Variants in SVOPL observed in about 807,000 individuals in gnomAD.
SVOPL encodes the protein putative transporter SVOPL.
In SVOPL, 60 loss-of-function variants were observed where a neutral mutation model predicts 61.0. The observed-to-expected ratio is 0.98, with a 90% CI of 0.80 to 1.22. The LOEUF is 1.22. SVOPL is among the 50% of genes most tolerant of loss of function. The pLI, the probability that SVOPL is intolerant of heterozygous loss-of-function variation, is 0.00. For missense variants in SVOPL, 662 were observed against 643.9 expected (o/e 1.03, Z -0.30); for synonymous variants, 279 against 250.0 (o/e 1.12, Z -1.09).
chr7:138,637,229 G>A (rs1448938425), intron 9 of SVOPL, among the ~76,000 whole-genome samples: 2 of 151,806 alleles, frequency 1.3e-5, no homozygotes, highest in Non-Finnish European at 2.9e-5. Context: ...GGAATTCGAG[G>A]CCAGCCTGCC....
At chr7:138,672,671 A>AG (rs374684044) in intron 3 of SVOPL, among the ~76,000 whole-genome samples, 3,019 of 150,648 alleles carry the variant, frequency 0.02, 162 homozygotes, top group East Asian at 0.2. Context: ...AAAAAAAAAA[A>AG]AAAAGAAGCA....
chr7:138,695,289 A>T (rs1803041417), intron 1 of SVOPL, among the ~76,000 whole-genome samples: 1 of 152,130 alleles, frequency 6.6e-6, no homozygotes, highest in Non-Finnish European at 1.5e-5. Context: ...AGGTGGGCGG[A>T]TTGCTTGAGC....
intron 14 of SVOPL, among the ~76,000 whole-genome samples, chr7:138,615,072 A>G (rs1041969748): frequency 2.6e-5 from 4 of 152,276 alleles, no homozygotes; most frequent in African/African-American, 9.6e-5. Context: ...TTTAACATCC[A>G]TAGTAGGTTC....
intron 14 of SVOPL, among the ~76,000 whole-genome samples, chr7:138,599,174 TAC>T (rs1414089925): frequency 3.2e-5 from 2 of 62,612 alleles, no homozygotes; most frequent in African/African-American, 1.5e-4. Context: ...AAAAAAGAAA[TAC>T]AGAAATGTCA....
chr7:138,672,139 G>A (rs775207316), intron 3 of SVOPL, 22 bp from the exon 4 acceptor site: 2 of 1,548,000 alleles, frequency 1.3e-6, no homozygotes, highest in South Asian at 2.4e-5. Context: ...GGGACACCAT[G>A]CCATGTCTAA....
intron 14 of SVOPL, among the ~76,000 whole-genome samples, chr7:138,601,531 G>T (rs965314790): frequency 6.6e-6 from 1 of 151,658 alleles, no homozygotes; most frequent in Non-Finnish European, 1.5e-5. Flanking sequence ...AATACTGCAT[G>T]CTCTCTCTTA....
rs1563117630 is a variant in SVOPL at position 138,648,560 on chromosome 7, T to TA, written c.660+451dup. On this transcript the variant is annotated intron_variant, in intron 8 of 15. Transcript: ENST00000674285. ...AAAAAAAAAAAAAAAAAAAAAAAAT[T>TA]AGTCAGGCGCGGTGGTGGGCGCCTG... 1.1e-4 allele frequency among the ~76,000 whole-genome samples: 15 copies of TA among 140,136 alleles called. No homozygotes were observed. The South Asian group carries it at 3.2e-3, about 30-fold the overall frequency. 91.9% of individuals were successfully genotyped at this position (140,136 alleles called of 152,430 possible). A position where few individuals can be genotyped will look rare whatever the true frequency, so the allele number is the denominator to read the frequency against.
chr7:138,634,062 T>C (rs1447793670), intron 9 of SVOPL, among the ~76,000 whole-genome samples: 1 of 152,208 alleles, frequency 6.6e-6, no homozygotes, highest in African/African-American at 2.4e-5. Context: ...CCCATGATCC[T>C]GCCAGCCCTA....
intron 9 of SVOPL, among the ~76,000 whole-genome samples, chr7:138,643,246 G>A (rs573317026): frequency 1.1e-3 from 166 of 152,126 alleles, no homozygotes; most frequent in African/African-American, 3.7e-3. Flanking sequence ...TCAACATGGT[G>A]AAACCCCGTC....
At chr7:138,616,268 G>A (rs919994804) in intron 14 of SVOPL, among the ~76,000 whole-genome samples, 3 of 152,308 alleles carry the variant, frequency 2.0e-5, no homozygotes, top group Non-Finnish European at 2.9e-5. Context: ...CAGAATAAGT[G>A]CGGAGGCAGC....
chr7:138,655,046 C>G (rs973578093), intron 7 of SVOPL, among the ~76,000 whole-genome samples: 1 of 151,342 alleles, frequency 6.6e-6, no homozygotes, highest in Non-Finnish European at 1.5e-5. Context: ...CAACAATCAG[C>G]TGGCGTAGTG....
At chr7:138,596,970 A>T in intron 14 of SVOPL, 1 of 1,118,696 alleles carries the variant, frequency 8.9e-7, no homozygotes, top group Non-Finnish European at 1.1e-6. Flanking sequence ...TTTTTTTTGG[A>T]AGAGGTGTTA....
chr7:138,659,945 A>G lies in SVOPL; in HGVS notation c.389T>C (p.Leu130Pro), dbSNP rs1335232597. The G allele has an allele frequency of 6.4e-6, 10 of 1,551,506 alleles. No individual in the cohort carries two copies. Among genetic ancestry groups the G allele is most frequent in the Non-Finnish European group, 8.7e-6 (10 of 1,146,994 alleles). ...SFLWGAYFSL[L>P]TSFAPSYIWF... ...GATGTACGAAGGAGCAAACGAGGTCAGCAAGGAGAAATAGGCTCCCCACAG... is the reference window on the plus strand; with the variant it reads ...GATGTACGAAGGAGCAAACGAGGTCGGCAAGGAGAAATAGGCTCCCCACAG... The change falls in exon 6 of 16, where the codon CTG becomes CCG. Residue 130 changes from leucine (L) to proline (P), a missense_variant. Coordinates refer to ENST00000674285, the MANE Select transcript of SVOPL (RefSeq NM_001139456.2).
chr7:138,622,192 A>C (rs1410622651), intron 13 of SVOPL, among the ~76,000 whole-genome samples: 1 of 103,478 alleles, frequency 9.7e-6, no homozygotes, highest in Non-Finnish European at 2.1e-5. Context: ...GTATCTATCT[A>C]TCTATCTATG....
At chr7:138,663,194 T>C (rs1159364051) in intron 4 of SVOPL, 49 bp from the exon 5 acceptor site, 1 of 1,591,696 alleles carries the variant, frequency 6.3e-7, no homozygotes, top group African/African-American at 1.3e-5. Context: ...GTTTTACATG[T>C]TACTTTACCC....
chr7:138,651,687 A>T (rs1801440804), intron 7 of SVOPL, among the ~76,000 whole-genome samples: 1 of 151,936 alleles, frequency 6.6e-6, no homozygotes, highest in African/African-American at 2.4e-5. Flanking sequence ...TACAACAATT[A>T]TTTTCATTGT....
At chr7:138,628,584 T>C (rs1338766862) in intron 10 of SVOPL, among the ~76,000 whole-genome samples, 1 of 152,202 alleles carries the variant, frequency 6.6e-6, no homozygotes, top group African/African-American at 2.4e-5. Context: ...TGCCGGGCCA[T>C]AGTATACACA....
chr7:138,612,423 ATAAAATAAAAAATAAAAAAAAAAT>A, intron 14 of SVOPL, among the ~76,000 whole-genome samples: 1 of 18,520 alleles, frequency 5.4e-5, no homozygotes, highest in Middle Eastern at 0.026. Context: ...AAAAAAAAAA[ATAAAATAAAAAATAAAAAAAAAAT>A]AAAAAAAAAA....
intron 1 of SVOPL, chr7:138,689,165 T>C (rs1393000941): frequency 6.5e-5 from 66 of 1,011,442 alleles, no homozygotes; most frequent in Middle Eastern, 5.7e-4. Context: ...CATTCCGATG[T>C]TACAATGGTG....
Sources: gnomAD v4.1 joint callset for allele counts (sites outside exome capture counted in the v4.1 genomes callset) on GRCh38, gnomAD v4.1.1 for gene constraint, MANE v1.5 for transcripts, NCBI Gene and HGNC (gene_info 2026-07-23, HGNC 2026-07-21) for gene names.